CCNY: variants seen among roughly 807,000 people sequenced by gnomAD.
CCNY encodes cyclin Y.
Under a neutral mutation model 42.8 loss-of-function variants are expected in CCNY, and 19 were observed. The ratio of observed to expected loss-of-function variants is 0.44; its 90% CI spans 0.31 to 0.65. CCNY has a LOEUF of 0.65. Ranked by LOEUF, CCNY falls within the 30% of genes least tolerant of loss-of-function variation. The pLI, the probability that CCNY is intolerant of heterozygous loss-of-function variation, is 0.07. For missense variants in CCNY, 370 were observed against 437.3 expected (o/e 0.85, Z 1.37); for synonymous variants, 165 against 162.7 (o/e 1.01, Z -0.11).
At chr10:35,482,718 C>T (rs1489387444) in intron 1 of CCNY, among the ~76,000 whole-genome samples, 2 of 144,314 alleles carry the variant, frequency 1.4e-5, no homozygotes, top group African/African-American at 2.6e-5. Context: ...TGTTGCCAAA[C>T]GATCTGATTT....
intron 1 of CCNY, among the ~76,000 whole-genome samples, chr10:35,378,067 G>A (rs1241914565): frequency 1.3e-5 from 2 of 152,218 alleles, no homozygotes; most frequent in Admixed American, 6.5e-5. Flanking sequence ...TTAAAGGTTA[G>A]TTGCACTGTG....
upstream of CCNY, chr10:35,332,423 C>A (rs1358153653): frequency 6.6e-6 from 1 of 152,144 alleles, no homozygotes; most frequent in Non-Finnish European, 1.5e-5. Flanking sequence ...GTTATCTCCT[C>A]CTGATTCAAT....
chr10:35,490,960 T>C lies in CCNY; in HGVS notation c.229+7482T>C, dbSNP rs114214021. ...GAGGACCTTTGCTCTAGTCTAGCCC[T>C]AAGTTACTTGTGACAGACCATTTCA... is the stretch of plus-strand genomic sequence containing the variant. On this transcript the variant is annotated intron_variant, in intron 2 of 9. Transcript: ENST00000374704. Among the ~76,000 whole-genome samples the C allele has an allele frequency of 7.0e-3, 1,072 of 152,352 alleles. 11 individuals are homozygous for C. Among genetic ancestry groups the C allele is most frequent in the African/African-American group, 0.025 (1,023 of 41,572 alleles).
chr10:35,318,720 C>CGGT (rs1835788665), intron 3 of CCNY, among the ~76,000 whole-genome samples: 1 of 151,110 alleles, frequency 6.6e-6, no homozygotes, highest in Non-Finnish European at 1.5e-5. Flanking sequence ...AACAGCAATG[C>CGGT]GGTGATTCGA....
At chr10:35,323,405 T>C in intron 3 of CCNY, among the ~76,000 whole-genome samples, 1 of 152,198 alleles carries the variant, frequency 6.6e-6, no homozygotes, top group Non-Finnish European at 1.5e-5. Context: ...ATTTGTGGTA[T>C]ATAAACAAAT....
At chr10:35,533,929 T>G (rs1270770714) in intron 7 of CCNY, among the ~76,000 whole-genome samples, 1 of 152,226 alleles carries the variant, frequency 6.6e-6, no homozygotes, top group African/African-American at 2.4e-5. Flanking sequence ...ATGGTGGTGA[T>G]GTGCCTGAAA....
chr10:35,509,558 G>T (rs948656430), intron 3 of CCNY, among the ~76,000 whole-genome samples: 1 of 152,220 alleles, frequency 6.6e-6, no homozygotes, highest in Non-Finnish European at 1.5e-5. Context: ...TTACAGCCAT[G>T]AGCCACTGTG....
chr10:35,446,165 C>T (rs1838785726), intron 1 of CCNY, among the ~76,000 whole-genome samples: 1 of 152,202 alleles, frequency 6.6e-6, no homozygotes, highest in African/African-American at 2.4e-5. Context: ...ATTTTGGTCT[C>T]TGTTGATTGT....
chr10:35,263,306 G>A (rs180694440), intron 3 of CCNY, among the ~76,000 whole-genome samples: 75 of 138,204 alleles, frequency 5.4e-4, no homozygotes, highest in Admixed American at 1.4e-3. Context: ...GCAGTGAGCC[G>A]AGATCGCGCC....
intron 1 of CCNY, among the ~76,000 whole-genome samples, chr10:35,434,895 A>G (rs1417043151): frequency 2.6e-5 from 4 of 151,874 alleles, no homozygotes; most frequent in African/African-American, 4.8e-5. Context: ...TGCCCCTTAT[A>G]CTTTCTTTCT....
chr10:35,436,261 G>A (rs1343755225), intron 1 of CCNY, among the ~76,000 whole-genome samples: 1 of 152,166 alleles, frequency 6.6e-6, no homozygotes, highest in Non-Finnish European at 1.5e-5. Flanking sequence ...GTGGTGGGAT[G>A]CAGTGTTCAC....
At chr10:35,444,323 C>T (rs1838743564) in intron 1 of CCNY, among the ~76,000 whole-genome samples, 1 of 151,124 alleles carries the variant, frequency 6.6e-6, no homozygotes, top group Non-Finnish European at 1.5e-5. Context: ...TCTTGGCTCA[C>T]TGCAACCTCT....
chr10:35,469,003 TTA>T (rs1261330647), intron 1 of CCNY, among the ~76,000 whole-genome samples: 1 of 152,232 alleles, frequency 6.6e-6, no homozygotes, highest in Non-Finnish European at 1.5e-5. Context: ...AACTCCTGTG[TTA>T]TATCCTGTCC....
At chr10:35,415,540 T>TTGGGCCTTGAGA in intron 1 of CCNY, among the ~76,000 whole-genome samples, 1 of 152,352 alleles carries the variant, frequency 6.6e-6, no homozygotes, top group Middle Eastern at 3.4e-3. Context: ...GAAGGGCTTT[T>TTGGGCCTTGAGA]AGCCTGGGTA....
chr10:35,300,690 T>C (rs1205038389), intron 3 of CCNY, among the ~76,000 whole-genome samples: 1 of 152,258 alleles, frequency 6.6e-6, no homozygotes, highest in Non-Finnish European at 1.5e-5. Context: ...GTGGGTTACA[T>C]GTGCTTGCAG....
At chr10:35,347,526 AAGTT>A in intron 1 of CCNY, 3 of 642,004 alleles carry the variant, frequency 4.7e-6, no homozygotes, top group Non-Finnish European at 5.8e-6. Flanking sequence ...TTTTATAAGC[AAGTT>A]CTTTATTTTG....
chr10:35,259,859 T>G (rs1029311601), intron 3 of CCNY, among the ~76,000 whole-genome samples: 2 of 150,788 alleles, frequency 1.3e-5, no homozygotes, highest in Non-Finnish European at 2.9e-5. Flanking sequence ...TGGGCTCTTC[T>G]TAAGGAAATT....
At chr10:35,545,236 A>G (rs946842206) in intron 7 of CCNY, among the ~76,000 whole-genome samples, 1 of 152,198 alleles carries the variant, frequency 6.6e-6, no homozygotes, top group Non-Finnish European at 1.5e-5. Context: ...GCTTTGCTTC[A>G]GGTGGGAGGG....
intron 1 of CCNY, among the ~76,000 whole-genome samples, chr10:35,482,931 G>A (rs556959128): frequency 6.6e-5 from 10 of 152,246 alleles, no homozygotes; most frequent in Admixed American, 5.9e-4. Flanking sequence ...TGCTCTAAGG[G>A]ACAAGTTTTG....
Sources: allele counts gnomAD v4.1 joint callset (sites outside exome capture counted in the v4.1 genomes callset), GRCh38; gene constraint gnomAD v4.1.1; transcripts MANE v1.5; gene names NCBI Gene and HGNC (gene_info 2026-07-23, HGNC 2026-07-21).